The following CCDC93 variants were observed in gnomAD, a reference collection of about 807,000 sequenced individuals.
CCDC93 encodes CCC complex scaffolding subunit CCDC93, also known as coiled-coil domain-containing protein 93.
Under a neutral mutation model 108.2 loss-of-function variants are expected in CCDC93, and 61 were observed. That is an observed-to-expected ratio of 0.56 (90% confidence interval 0.46 to 0.70). The LOEUF is 0.70. Among genes scored for constraint, CCDC93 ranks in the 30% least tolerant of loss-of-function variants. The pLI, the probability that CCDC93 is intolerant of heterozygous loss-of-function variation, is 0.00. For missense variants in CCDC93, 685 were observed against 764.2 expected (o/e 0.90, Z 1.22); for synonymous variants, 276 against 260.4 (o/e 1.06, Z -0.58).
intron 10 of CCDC93, among the ~76,000 whole-genome samples, chr2:117,974,333 G>C (rs1296465144): frequency 1.3e-5 from 2 of 152,056 alleles, no homozygotes; most frequent in Non-Finnish European, 2.9e-5. Flanking sequence ...GCAGGCCTAG[G>C]ACACAGGGAA....
rs867649365 is a variant in CCDC93 at position 117,920,389 on chromosome 2, C to T, written c.1850G>A (p.Arg617His). 3.7e-6 allele frequency: 6 copies of T among 1,611,480 alleles called. No homozygotes were observed. The highest frequency in any genetic ancestry group is 4.5e-5 in the East Asian group (2 of 44,854). ...CTTGGACAGCAGCATCTCGTTCTTG[C>T]GGCCCTCCTGGAGGGAAAGCAGAGA... ...KTVKEFKEEG[R>H]KNEMLLSKVK... Residue 617 changes from arginine to histidine, a missense_variant, in exon 24 of 24, where the codon CGC (arginine) becomes CAC (histidine). Arg to His is a conservative substitution (Grantham distance 29). Transcript: ENST00000376300.
At chr2:117,973,653 T>A (rs986918739) in intron 11 of CCDC93, among the ~76,000 whole-genome samples, 1 of 152,196 alleles carries the variant, frequency 6.6e-6, no homozygotes. Flanking sequence ...TTATCAAATG[T>A]GATAACTGCT....
intron 21 of CCDC93, 44 bp downstream of exon 21, chr2:117,936,658 A>C: frequency 1.3e-6 from 2 of 1,514,144 alleles, no homozygotes; most frequent in Non-Finnish European, 1.8e-6. Context: ...TTCAAAGCGC[A>C]GGCCGGCAGG....
chr2:118,012,810 T>C lies in CCDC93; in HGVS notation c.42+1144A>G, dbSNP rs193106446. 3 of 152,328 alleles carry C rather than the reference T, an allele frequency of 2.0e-5. No individual in the cohort carries two copies. In the East Asian group the frequency reaches 5.8e-4, roughly 29 times the overall value. The allele number at this position is 152,328 out of a possible 1,614,324, so 9.4% of individuals were successfully genotyped here. A position where few individuals can be genotyped will look rare whatever the true frequency, so the allele number is the denominator to read the frequency against. On this transcript the variant is annotated intron_variant, in intron 1 of 23. Transcript: ENST00000376300. ...GAGCACACACTGACAAACAAATCTG[T>C]CCTTTCAGACTATATATATTCCCAG...
At chr2:117,940,498 T>A (rs72836301) in intron 19 of CCDC93, among the ~76,000 whole-genome samples, 8,049 of 152,214 alleles carry the variant, frequency 0.053, 288 homozygotes, top group Non-Finnish European at 0.082. Flanking sequence ...CCACTCAGAC[T>A]GGGGAGGAAC....
rs1678616183 is a variant in CCDC93 at position 117,939,103 on chromosome 2, C to A, written c.1531G>T (p.Val511Leu). The change falls in exon 20 of 24, where the codon GTG (valine) becomes TTG (leucine). Residue 511 changes from valine (V) to leucine (L), a missense_variant. Val to Leu is a conservative substitution (Grantham distance 32). Transcript: ENST00000376300. ...AAGAACTGCTTGGTTTCTTTGTGCA[C>A]TGCTGAAACTGTAAAAGTAAAGAAA... ...FIELYRQISA[V>L]HKETKQFFTL... 6.3e-7 allele frequency: 1 copy of A among 1,598,058 alleles called. No homozygotes were observed. The highest frequency in any genetic ancestry group is 1.7e-5 in the Admixed American group (1 of 59,896).
At chr2:117,926,560 C>T (rs1343454140) in intron 23 of CCDC93, among the ~76,000 whole-genome samples, 2 of 152,162 alleles carry the variant, frequency 1.3e-5, no homozygotes, top group Non-Finnish European at 2.9e-5. Flanking sequence ...CCTCCCAAGA[C>T]TAAACGAGGA....
Position 117,996,306 on chromosome 2 carries a change from G to A in CCDC93, c.420C>T (p.Ser140=), listed in dbSNP as rs771278866. The A allele has an allele frequency of 1.9e-6, 3 of 1,613,562 alleles. No homozygotes were observed. Residue 140 remains serine, a synonymous_variant, in exon 5 of 24, where the codon TCC becomes TCT. Transcript: ENST00000376300. ...TCTTCTGGAACTGGGATACAGAGTAGGAGCGGATATAGTCACCCATCTCTT... is the reference window on the plus strand; with the variant it reads ...TCTTCTGGAACTGGGATACAGAGTAAGAGCGGATATAGTCACCCATCTCTT... ...TKEEMGDYIR[S]YSVSQFQKTY...
intron 23 of CCDC93, among the ~76,000 whole-genome samples, chr2:117,926,123 G>A (rs1678084496): frequency 6.6e-6 from 1 of 151,622 alleles, no homozygotes; most frequent in South Asian, 2.1e-4. Context: ...AAAGCAGTGT[G>A]TAGAGGGAAA....
In CCDC93 at chr2:117,920,361, C is replaced by T. The variant is rs752889824; in HGVS notation, c.1878G>A (p.Val626=). 1.2e-6 allele frequency: 2 copies of T among 1,613,184 alleles called. No individual in the cohort carries two copies. Among genetic ancestry groups the T allele is most frequent in the African/African-American group, 2.7e-5 (2 of 74,942 alleles). The change falls in exon 24 of 24, where the codon GTG becomes GTA. Residue 626 remains valine (V), a synonymous_variant. Transcript: ENST00000376300. ...GRKNEMLLSK[V]KAKAS ...GGGATGTTCAGGAGGCCTTCGCTTT[C>T]ACCTTGGACAGCAGCATCTCGTTCT...
intron 20 of CCDC93, 69 bp from the exon 21 acceptor site, chr2:117,936,808 G>GC: frequency 8.2e-7 from 1 of 1,213,522 alleles, no homozygotes; most frequent in Non-Finnish European, 1.2e-6. Context: ...TGCAACTGCT[G>GC]CAAGCTTGCC....
chr2:117,966,104 A>G (rs1679560810), intron 11 of CCDC93, among the ~76,000 whole-genome samples: 1 of 152,184 alleles, frequency 6.6e-6, no homozygotes, highest in Admixed American at 6.5e-5. Flanking sequence ...CTGAGGGCCT[A>G]GTGGAAACGA....
In CCDC93 at chr2:117,947,754, C is replaced by T. The variant is rs368943236; in HGVS notation, c.1224+351G>A. 1.0e-3 allele frequency among the ~76,000 whole-genome samples: 144 copies of T among 140,278 alleles called. 3 individuals carry two copies. The South Asian group carries it at 0.029, about 28-fold the overall frequency. The allele number at this position is 140,278 out of a possible 152,430, so 92.0% of individuals were successfully genotyped here. ...TGTCACCCAGGCTGGAGTGCAGTGG[C>T]GTGATCTTGGCTCACTGCAAGCTCT... On this transcript the variant is annotated intron_variant, in intron 15 of 23. Transcript: ENST00000376300.
At chr2:117,996,404 A>ATC in intron 4 of CCDC93, 42 bp from the exon 5 acceptor site, 4 of 1,424,820 alleles carry the variant, frequency 2.8e-6, no homozygotes, top group Non-Finnish European at 4.0e-6. Context: ...TAAGGACAAC[A>ATC]TCCCACTGAA....
chr2:117,941,396 A>G (rs896527413), intron 18 of CCDC93, 99 bp from the exon 19 acceptor site: 1 of 836,226 alleles, frequency 1.2e-6, no homozygotes, highest in Non-Finnish European at 2.0e-6. Context: ...CCTGAGCCCA[A>G]CCATGCGCCC....
At chr2:117,921,715 A>T (rs1298706573) in intron 23 of CCDC93, 1 of 152,242 alleles carries the variant, frequency 6.6e-6, no homozygotes, top group Non-Finnish European at 1.5e-5. Flanking sequence ...ATCTTTTGGC[A>T]GTGTGATGGC....
intron 5 of CCDC93, among the ~76,000 whole-genome samples, chr2:117,996,024 T>C (rs1207044285): frequency 6.6e-6 from 1 of 152,090 alleles, no homozygotes; most frequent in Non-Finnish European, 1.5e-5. Context: ...AAAAACTTAA[T>C]ACAAAAATCA....
chr2:117,940,669 T>A (rs145513319), intron 19 of CCDC93, among the ~76,000 whole-genome samples: 36 of 152,276 alleles, frequency 2.4e-4, no homozygotes, highest in African/African-American at 8.7e-4. Flanking sequence ...AGAGCAGATG[T>A]GGCAGGAATG....
At chr2:117,932,341 C>A (rs1678367490) in intron 22 of CCDC93, among the ~76,000 whole-genome samples, 2 of 152,178 alleles carry the variant, frequency 1.3e-5, no homozygotes, top group African/African-American at 4.8e-5. Context: ...TTGGTAAACA[C>A]AAGCTATAGG....
Sources: gnomAD v4.1 joint callset for allele counts (sites outside exome capture counted in the v4.1 genomes callset) on GRCh38, gnomAD v4.1.1 for gene constraint, MANE v1.5 for transcripts, NCBI Gene and HGNC (gene_info 2026-07-23, HGNC 2026-07-21) for gene names.